Variants in SSUH2 observed in about 807,000 individuals in gnomAD.
The protein encoded by SSUH2 is protein SSUH2 homolog.
Under a neutral mutation model 55.3 loss-of-function variants are expected in SSUH2, and 47 were observed. That is an observed-to-expected ratio of 0.85 (90% CI 0.67 to 1.08). The LOEUF (loss-of-function observed/expected upper bound fraction) is 1.08, where lower values mean the gene tolerates loss of function less well. SSUH2 is among the 50% of genes least tolerant of loss of function. SSUH2 has a pLI of 0.00. For missense variants in SSUH2, 535 were observed against 490.7 expected (o/e 1.09, Z -0.85); for synonymous variants, 212 against 191.5 (o/e 1.11, Z -0.89).
chr3:8,681,004 G>T (rs1286015552), intron 1 of SSUH2, among the ~76,000 whole-genome samples: 33 of 151,212 alleles, frequency 2.2e-4, no homozygotes, highest in Non-Finnish European at 4.5e-4. Flanking sequence ...CCCCATCGCA[G>T]TGGGGGAGGC....
intron 1 of SSUH2, among the ~76,000 whole-genome samples, chr3:8,637,760 G>A (rs992134728): frequency 6.6e-6 from 1 of 152,184 alleles, no homozygotes; most frequent in African/African-American, 2.4e-5. Context: ...GTCATGGAAG[G>A]GGACACCGTC....
chr3:8,622,347 G>A (rs1696620162), intron 11 of SSUH2, among the ~76,000 whole-genome samples: 1 of 152,168 alleles, frequency 6.6e-6, no homozygotes, highest in African/African-American at 2.4e-5. Flanking sequence ...ATTGGCAGAG[G>A]CAGGGCCTCA....
intron 5 of SSUH2, among the ~76,000 whole-genome samples, chr3:8,631,784 T>G (rs1698838700): frequency 6.6e-6 from 1 of 152,018 alleles, no homozygotes; most frequent in Non-Finnish European, 1.5e-5. Flanking sequence ...CGGCCCCGTG[T>G]GGCAGCACCA....
chr3:8,632,042 C>T lies in SSUH2; in HGVS notation c.400+7G>A, dbSNP rs746581549. On this transcript the variant is annotated splice_region_variant and intron_variant, in intron 5 of 11. Transcript: ENST00000544814. ...CCAGTTAAACTAATTTCAGACAATT[C>T]ACTTACTAGTAAAGGGTTGAAATGT... 2.4e-5 allele frequency: 39 copies of T among 1,612,540 alleles called. No individual in the cohort carries two copies. Among genetic ancestry groups the T allele is most frequent in the Non-Finnish European group, 3.1e-5 (36 of 1,178,756 alleles).
intron 11 of SSUH2, among the ~76,000 whole-genome samples, chr3:8,621,015 C>G (rs915938415): frequency 6.6e-6 from 1 of 152,200 alleles, no homozygotes; most frequent in African/African-American, 2.4e-5. Context: ...AACAGCAGCC[C>G]ACCTTGGGAG....
At chr3:8,623,890 C>T (rs569522211) in intron 10 of SSUH2, among the ~76,000 whole-genome samples, 51 of 152,212 alleles carry the variant, frequency 3.4e-4, no homozygotes, top group Non-Finnish European at 5.4e-4. Context: ...TCCTGTGTGC[C>T]GGGCACCGCG....
At chr3:8,672,765 G>A (rs531608084) in intron 3 of SSUH2, among the ~76,000 whole-genome samples, 1 of 152,224 alleles carries the variant, frequency 6.6e-6, no homozygotes, top group East Asian at 1.9e-4. Flanking sequence ...CTGTGATCCT[G>A]GGAGTAACAG....
chr3:8,662,282 A>C (rs1703568687), intron 6 of SSUH2, among the ~76,000 whole-genome samples: 1 of 152,126 alleles, frequency 6.6e-6, no homozygotes, highest in Admixed American at 6.5e-5. Context: ...CTCTAACAAA[A>C]CCTGTGTCCC....
At position 8,680,595 on chromosome 3, in the gene SSUH2, G is replaced by A. The variant is rs62244241; in HGVS notation, c.-1045-746C>T. 7.8e-3 allele frequency among the ~76,000 whole-genome samples: 1,184 copies of A among 152,160 alleles called. 18 individuals are homozygous for A. Among genetic ancestry groups the A allele is most frequent in the Middle Eastern group, 0.027 (8 of 294 alleles). On this transcript the variant is annotated intron_variant, in intron 1 of 18. Coordinates refer to the SSUH2 transcript ENST00000317371. Reference sequence around the variant, plus strand: ...AATTAGAAACAATATCAGTGAGGGCGTGTCCACCTTCTGTCATATTGAAAG... The same window carrying A: ...AATTAGAAACAATATCAGTGAGGGCATGTCCACCTTCTGTCATATTGAAAG...
At position 8,668,493 on chromosome 3, in the gene SSUH2, T is replaced by C. The variant is rs151250237; in HGVS notation, c.-455+2505A>G. ...CATCAGCAGACATCCATTATTTCTC[T>C]TTTTTTTCCTCATTAATCTCATTAC... On this transcript the variant is annotated intron_variant, in intron 5 of 18. Coordinates refer to the SSUH2 transcript ENST00000317371. Among the ~76,000 whole-genome samples the C allele has an allele frequency of 7.5e-3, 1,127 of 150,184 alleles. 8 individuals are homozygous for C. The highest frequency in any genetic ancestry group is 0.025 in the African/African-American group (1,014 of 41,368).
At chr3:8,676,241 T>C (rs1705247594) in intron 3 of SSUH2, among the ~76,000 whole-genome samples, 1 of 152,040 alleles carries the variant, frequency 6.6e-6, no homozygotes, top group African/African-American at 2.4e-5. Flanking sequence ...TACACCCGTC[T>C]GTACTGGGAG....
upstream of SSUH2, among the ~76,000 whole-genome samples, chr3:8,648,351 G>A (rs1378196741): frequency 6.6e-6 from 1 of 152,170 alleles, no homozygotes; most frequent in Non-Finnish European, 1.5e-5. Flanking sequence ...GAAGGAGCGT[G>A]GCATGGTTTT....
At chr3:8,647,807 G>GC (rs1309600502), upstream of SSUH2, among the ~76,000 whole-genome samples, 12 of 152,186 alleles carry the variant, frequency 7.9e-5, no homozygotes, top group African/African-American at 2.7e-4. Flanking sequence ...AAGGAGTTCT[G>GC]CCCCAAAGGG....
At chr3:8,665,355 C>G (rs1703898257) in intron 5 of SSUH2, among the ~76,000 whole-genome samples, 1 of 152,138 alleles carries the variant, frequency 6.6e-6, no homozygotes, top group East Asian at 1.9e-4. Flanking sequence ...CCTCGGTCAT[C>G]TTTTAATTTT....
At chr3:8,670,344 C>G (rs545739318) in intron 5 of SSUH2, among the ~76,000 whole-genome samples, 4 of 152,014 alleles carry the variant, frequency 2.6e-5, no homozygotes, top group African/African-American at 7.3e-5. Context: ...AAAGAAACAT[C>G]CCCCTAGGAT....
At chr3:8,649,041 C>G (rs889479173), upstream of SSUH2, among the ~76,000 whole-genome samples, 32 of 152,264 alleles carry the variant, frequency 2.1e-4, no homozygotes, top group African/African-American at 7.5e-4. Context: ...AAGGGCTGCC[C>G]TACTTCTGAG....
chr3:8,634,546 C>T (rs1419369864), intron 3 of SSUH2: 1 of 1,289,830 alleles, frequency 7.8e-7, no homozygotes, highest in East Asian at 5.5e-5. Context: ...CCCTGGCACA[C>T]AGAGGGGCCC....
intron 3 of SSUH2, chr3:8,634,762 T>G: frequency 2.6e-6 from 1 of 378,732 alleles, no homozygotes; most frequent in South Asian, 2.0e-5. Flanking sequence ...TGGATTGAAA[T>G]AGGGGGCAGC....
intron 5 of SSUH2, among the ~76,000 whole-genome samples, chr3:8,631,647 G>A (rs553807035): frequency 6.4e-4 from 97 of 152,138 alleles, no homozygotes; most frequent in African/African-American, 2.1e-3. Flanking sequence ...GGCCTCCAGT[G>A]GGGGCTCAGC....
Sources: allele counts gnomAD v4.1 joint callset (sites outside exome capture counted in the v4.1 genomes callset), GRCh38; gene constraint gnomAD v4.1.1; transcripts MANE v1.5; gene names NCBI Gene and HGNC (gene_info 2026-07-23, HGNC 2026-07-21).